FOXJ1: variants seen among roughly 807,000 people sequenced by gnomAD.
FOXJ1 encodes forkhead box J1, also known as forkhead box protein J1.
A neutral mutation model predicts 29.3 loss-of-function variants in FOXJ1; 8 were observed. The observed-to-expected ratio is 0.27, with a 90% confidence interval of 0.16 to 0.49. The LOEUF is 0.49. Ranked by LOEUF, FOXJ1 falls within the 20% of genes least tolerant of loss-of-function variation. FOXJ1 has a pLI of 0.98. For missense variants in FOXJ1, 539 were observed against 595.5 expected, an observed-to-expected ratio of 0.91 and a Z score of 0.99; for synonymous variants, 280 against 278.7, an observed-to-expected ratio of 1.00 and a Z score of -0.05.
rs1311938823 is a variant in FOXJ1, at chr17:76,137,857, G to A, written c.762C>T (p.Phe254=). ...NTEAQQLLRE[F]EEATGEAGWG... is the part of the protein sequence containing the mutation. ...AGCCCGCCTCCCCGGTGGCCTCCTC[G>A]AACTCCCGCAGCAGCTGCTGGGCCT... The change falls in exon 3 of 3, where the codon TTC becomes TTT. Residue 254 remains phenylalanine (F), a synonymous_variant. Coordinates refer to ENST00000322957, the MANE Select transcript of FOXJ1 (RefSeq NM_001454.4). This position sits in a 1 kb window ranked among gnomAD's most constrained non-coding sequence, Gnocchi z 9.5. The A allele has an allele frequency of 1.3e-6, 2 of 1,588,486 alleles. No homozygotes were observed. Among genetic ancestry groups the A allele is most frequent in the South Asian group, 1.1e-5 (1 of 88,568 alleles).
At position 76,137,981 on chromosome 17, in the gene FOXJ1, C is replaced by G. The variant is rs756356305; in HGVS notation, c.638G>C (p.Arg213Pro). Reference protein sequence around the residue: ...ERLLSGAFKKRRLPPVHIHPA... With the variant: ...ERLLSGAFKKPRLPPVHIHPA... ...GTGGATGTGGACAGGGGGCAGTCGC[C>G]GCTTCTTGAAAGCGCCGCTCAGTAG... Residue 213 changes from arginine (R) to proline (P), a missense_variant, in exon 3 of 3, where the codon CGG becomes CCG. Physicochemically the swap from Arg to Pro is moderately radical, Grantham distance 103 (BLOSUM62 -2). This residue lies in a region of FOXJ1 where 302 missense variants were observed against 293.6 expected (regional missense o/e 1.03). Coordinates refer to ENST00000322957, the MANE Select transcript of FOXJ1 (RefSeq NM_001454.4). This position sits in a 1 kb window ranked among gnomAD's most constrained non-coding sequence, Gnocchi z 9.5. The G allele has an allele frequency of 4.4e-6, 7 of 1,605,590 alleles. No homozygotes were observed. The highest frequency in any genetic ancestry group is 6.0e-6 in the Non-Finnish European group (7 of 1,176,386).
Position 76,139,815 on chromosome 17 carries a change from C to T in FOXJ1, c.498+83G>A, listed in dbSNP as rs917878739. The T allele has an allele frequency of 1.4e-6, 2 of 1,473,652 alleles. No homozygotes were observed. Among genetic ancestry groups the T allele is most frequent in the Non-Finnish European group, 1.8e-6 (2 of 1,086,670 alleles). The allele number at this position is 1,473,652 out of a possible 1,614,324, so 91.3% of individuals were successfully genotyped here. ...CGCACCGCAGAGCCTACTTGGCCTG[C>T]AGATTTGGGATATGAATCCAGTGCA... On this transcript the variant is annotated intron_variant, in intron 2 of 2. Coordinates refer to ENST00000322957, the MANE Select transcript of FOXJ1 (RefSeq NM_001454.4). This position sits in a 1 kb window ranked among gnomAD's most constrained non-coding sequence, Gnocchi z 6.6.
In FOXJ1 at chr17:76,137,905, G is replaced by T. The variant is rs750210394; in HGVS notation, c.714C>A (p.Ala238=). 6.4e-7 allele frequency: 1 copy of T among 1,565,364 alleles called. No individual in the cohort carries two copies. The change falls in exon 3 of 3, where the codon GCC becomes GCA. Residue 238 remains alanine, a synonymous_variant. Transcript: ENST00000322957. The surrounding 1 kb of genome is among the most constrained non-coding windows in gnomAD (Gnocchi z 9.5). ...CCTCGGTATTCACCGTCAGCGGCCC[G>T]GCCCGGGGGACAGCGCTGGGCTCCT... The part of the protein sequence containing the change: ...AAQEPSAVPR[A]GPLTVNTEAQ...
In FOXJ1 at chr17:76,138,239, G is replaced by A. The variant is rs555249216; in HGVS notation, c.499-119C>T. 10 of 1,117,060 alleles carry A rather than the reference G, an allele frequency of 9.0e-6. No homozygotes were observed. The Middle Eastern group carries it at 1.0e-3, about 116-fold the overall frequency. The allele number at this position is 1,117,060 out of a possible 1,614,324, so 69.2% of individuals were successfully genotyped here. ...TCTTTTCTCTGGCAGGGGAGAGGAG[G>A]GGGGGACAGACACACTGGTCTGCCC... On this transcript the variant is annotated intron_variant, in intron 2 of 2. Transcript: ENST00000322957.
In FOXJ1 at chr17:76,137,367, C is replaced by T; in HGVS notation, c.1252G>A (p.Gly418Arg). Residue 418 changes from glycine (G) to arginine (R), a missense_variant, in exon 3 of 3, where the codon GGG becomes AGG. By Grantham distance (125) the Gly-to-Arg change is moderately radical. Around this residue, in one of 3 missense-constraint regions of FOXJ1, gnomAD observed 302 missense variants for 293.6 expected, o/e 1.03. Coordinates refer to ENST00000322957, the MANE Select transcript of FOXJ1 (RefSeq NM_001454.4). The surrounding 1 kb of genome is among the most constrained non-coding windows in gnomAD (Gnocchi z 9.5). Reference protein sequence around the residue: ...ASDLQDWASVGAFL With the variant: ...ASDLQDWASVRAFL ...GGCCTGGCCTCTTACAAGAAGGCCC[C>T]CACGCTGGCCCAGTCCTGCAGGTCG... 3 of 1,496,710 alleles carry T rather than the reference C, an allele frequency of 2.0e-6. No homozygotes were observed. Among genetic ancestry groups the T allele is most frequent in the Non-Finnish European group, 2.7e-6 (3 of 1,125,562 alleles). The allele number at this position is 1,496,710 out of a possible 1,614,324, so 92.7% of individuals were successfully genotyped here.
rs991161835 is a variant in FOXJ1, at chr17:76,136,499, T to TG, written c.*853dup. ...CCCCCGAGGAGTGCAGGCAGGGGCG[T>TG]GGGGTACCCCGCTTCTTGGTCCCAG... On this transcript the variant is annotated 3_prime_UTR_variant, in exon 3 of 3. Transcript: ENST00000322957. The surrounding 1 kb of genome is among the most constrained non-coding windows in gnomAD (Gnocchi z 4.9). The TG allele has an allele frequency of 2.2e-4, 33 of 151,984 alleles. No individual in the cohort carries two copies. The allele number at this position is 151,984 out of a possible 1,614,324, so 9.4% of individuals were successfully genotyped here. A position where few individuals can be genotyped will look rare whatever the true frequency, so the allele number is the denominator to read the frequency against.
Position 76,140,228 on chromosome 17 carries a change from G to GC in FOXJ1, c.167dup (p.Thr57HisfsTer142). 1.4e-6 allele frequency: 2 copies of GC among 1,454,278 alleles called. No homozygotes were observed. Among genetic ancestry groups the GC allele is most frequent in the Non-Finnish European group, 1.8e-6 (2 of 1,114,340 alleles). The allele number at this position is 1,454,278 out of a possible 1,614,324, so 90.1% of individuals were successfully genotyped here. ...CCTGGTGGTAGCCGTGGGGGTCGGTGCCCCCCGGGGGCAGGGCGGGGGCCT... is the reference window on the plus strand; with the variant it reads ...CCTGGTGGTAGCCGTGGGGGTCGGTGCCCCCCCGGGGGCAGGGCGGGGGCCT... On this transcript the variant is annotated frameshift_variant, in exon 2 of 3. Transcript: ENST00000322957. LOFTEE classifies it high-confidence loss of function. This position sits in a 1 kb window ranked among gnomAD's most constrained non-coding sequence, Gnocchi z 8.0.
In FOXJ1 at chr17:76,138,139, C is replaced by A; in HGVS notation, c.499-19G>T. ...TTGAATTCTGGGTGCAGGGAGAGAGCAAGAGAGAGAGGAACCGCTAGGTCA... is the reference window on the plus strand; with the variant it reads ...TTGAATTCTGGGTGCAGGGAGAGAGAAAGAGAGAGAGGAACCGCTAGGTCA... On this transcript the variant is annotated intron_variant, in intron 2 of 2. Transcript: ENST00000322957. The A allele has an allele frequency of 6.2e-7, 1 of 1,612,500 alleles. No homozygotes were observed. The highest frequency in any genetic ancestry group is 8.5e-7 in the Non-Finnish European group (1 of 1,179,574).
Position 76,139,955 on chromosome 17 carries a change from G to A in FOXJ1, c.441C>T (p.Ile147=). 2 of 1,613,058 alleles carry A rather than the reference G, an allele frequency of 1.2e-6. No homozygotes were observed. Among genetic ancestry groups the A allele is most frequent in the Non-Finnish European group, 1.7e-6 (2 of 1,179,604 alleles). The change falls in exon 2 of 3, where the codon ATC becomes ATT. Residue 147 remains isoleucine (I), a synonymous_variant. Transcript: ENST00000322957. The surrounding 1 kb of genome is among the most constrained non-coding windows in gnomAD (Gnocchi z 6.6). ...SKATKITLSA[I]YKWITDNFCY... Reference sequence around the variant, plus strand: ...AGAAGTTGTCCGTGATCCACTTGTAGATGGCCGACAGGGTGATCTTGGTGG... The same window carrying A: ...AGAAGTTGTCCGTGATCCACTTGTAAATGGCCGACAGGGTGATCTTGGTGG...
At position 76,137,789 on chromosome 17, in the gene FOXJ1, G is replaced by A. The variant is rs1351956108; in HGVS notation, c.830C>T (p.Pro277Leu). 2.6e-5 allele frequency: 41 copies of A among 1,607,536 alleles called. No homozygotes were observed. The highest frequency in any genetic ancestry group is 3.2e-5 in the Non-Finnish European group (38 of 1,177,568). The change falls in exon 3 of 3, where the codon CCG becomes CTG. Residue 277 changes from proline (P) to leucine (L), a missense_variant. Physicochemically the swap from Pro to Leu is moderately conservative, Grantham distance 98. Transcript: ENST00000322957. The surrounding 1 kb of genome is among the most constrained non-coding windows in gnomAD (Gnocchi z 9.5). The stretch of plus-strand genomic sequence containing the variant: ...GACCTTGGCCACCCGCTTGGGCAGC[G>A]GCTGTTTGCGCTTATGCCCCAGCCT... ...EGRLGHKRKQPLPKRVAKVPR... is the reference protein window; with the variant it reads ...EGRLGHKRKQLLPKRVAKVPR...
At chr17:76,138,482 C>A (rs1354315564) in intron 2 of FOXJ1, among the ~76,000 whole-genome samples, 2 of 152,178 alleles carry the variant, frequency 1.3e-5, no homozygotes, top group African/African-American at 4.8e-5. Flanking sequence ...AGGGCCTGGA[C>A]CACCGTCTCC....
In FOXJ1 at chr17:76,140,121, G is replaced by A; in HGVS notation, c.275C>T (p.Thr92Met). Residue 92 changes from threonine to methionine, a missense_variant, in exon 2 of 3, where the codon ACG (threonine) becomes ATG (methionine). Coordinates refer to ENST00000322957, the MANE Select transcript of FOXJ1 (RefSeq NM_001454.4). This position sits in a 1 kb window ranked among gnomAD's most constrained non-coding sequence, Gnocchi z 8.0. ...LGQPHTPGKP[T>M]SSCTSRSAPP... is the part of the protein sequence containing the mutation. ...CGCGCTCCGCGACGTGCACGACGACGTGGGCTTGCCCGGCGTGTGTGGCTG... is the reference window on the plus strand; with the variant it reads ...CGCGCTCCGCGACGTGCACGACGACATGGGCTTGCCCGGCGTGTGTGGCTG... 1.9e-6 allele frequency: 3 copies of A among 1,591,054 alleles called. No individual in the cohort carries two copies. Among genetic ancestry groups the A allele is most frequent in the Non-Finnish European group, 2.6e-6 (3 of 1,175,036 alleles).
Position 76,140,295 on chromosome 17 carries a change from G to T in FOXJ1, c.101C>A (p.Thr34Asn). 6.7e-7 allele frequency: 1 copy of T among 1,490,422 alleles called. No homozygotes were observed. The highest frequency in any genetic ancestry group is 8.8e-7 in the Non-Finnish European group (1 of 1,131,148). 92.3% of individuals were successfully genotyped at this position (1,490,422 alleles called of 1,614,324 possible). A position where few individuals can be genotyped will look rare whatever the true frequency, so the allele number is the denominator to read the frequency against. The part of the protein sequence containing the change: ...EEPDALDDSL[T>N]SLQWLQEFSI... ...GAATTCCTGCAGCCACTGCAGGCTG[G>T]TCAGGCTGTCATCCAGGGCGTCGGG... Residue 34 changes from threonine (T) to asparagine (N), a missense_variant, in exon 2 of 3, where the codon ACC (threonine) becomes AAC (asparagine). This residue lies in a region of FOXJ1 where 59 missense variants were observed against 47.5 expected (regional missense o/e 1.24). Coordinates refer to ENST00000322957, the MANE Select transcript of FOXJ1 (RefSeq NM_001454.4). The surrounding 1 kb of genome is among the most constrained non-coding windows in gnomAD (Gnocchi z 8.0).
chr17:76,140,460 G>C lies in FOXJ1; in HGVS notation c.-65C>G, dbSNP rs1442242428. The C allele has an allele frequency of 7.5e-7, 1 of 1,333,240 alleles. No homozygotes were observed. The highest frequency in any genetic ancestry group is 9.6e-7 in the Non-Finnish European group (1 of 1,037,210). 82.6% of individuals were successfully genotyped at this position (1,333,240 alleles called of 1,614,324 possible). ...GGCTGAGCCGGGGGTGGCCCGCCGC[G>C]CTCTCTGGCCCGCTGAGTCCCGCAG... On this transcript the variant is annotated 5_prime_UTR_variant, in exon 2 of 3. Transcript: ENST00000322957. The surrounding 1 kb of genome is among the most constrained non-coding windows in gnomAD (Gnocchi z 8.0).
rs1162928892 is a variant in FOXJ1, at chr17:76,140,962, C to T, written c.-170+152G>A. On this transcript the variant is annotated intron_variant, in intron 1 of 2. Coordinates refer to ENST00000322957, the MANE Select transcript of FOXJ1 (RefSeq NM_001454.4). This position sits in a 1 kb window ranked among gnomAD's most constrained non-coding sequence, Gnocchi z 8.0. ...AGGGGATCATTGGGAAGGAAGGGGACGGAACAGTAACGGGGGGCAGGAGGC... is the reference window on the plus strand; with the variant it reads ...AGGGGATCATTGGGAAGGAAGGGGATGGAACAGTAACGGGGGGCAGGAGGC... Among the ~76,000 whole-genome samples the T allele has an allele frequency of 6.6e-6, 1 of 151,986 alleles. No homozygotes were observed. The highest frequency in any genetic ancestry group is 2.4e-5 in the African/African-American group (1 of 41,364).
Position 76,137,868 on chromosome 17 carries a change from G to C in FOXJ1, c.751C>G (p.Leu251Val). ...CCGGTGGCCTCCTCGAACTCCCGCA[G>C]CAGCTGCTGGGCCTCGGTATTCACC... ...LTVNTEAQQL[L>V]REFEEATGEA... is the part of the protein sequence containing the mutation. The change falls in exon 3 of 3, where the codon CTG becomes GTG. Residue 251 changes from leucine (L) to valine (V), a missense_variant. Around this residue, in one of 3 missense-constraint regions of FOXJ1, gnomAD observed 302 missense variants for 293.6 expected, o/e 1.03. Transcript: ENST00000322957. The surrounding 1 kb of genome is among the most constrained non-coding windows in gnomAD (Gnocchi z 9.5). The C allele has an allele frequency of 1.3e-6, 2 of 1,584,888 alleles. No homozygotes were observed. Among genetic ancestry groups the C allele is most frequent in the Non-Finnish European group, 1.7e-6 (2 of 1,165,444 alleles).
In FOXJ1 at chr17:76,139,513, G is replaced by T. The variant is rs2144764443; in HGVS notation, c.498+385C>A. Among the ~76,000 whole-genome samples the T allele has an allele frequency of 6.6e-6, 1 of 152,352 alleles. No individual in the cohort carries two copies. On this transcript the variant is annotated intron_variant, in intron 2 of 2. Coordinates refer to ENST00000322957, the MANE Select transcript of FOXJ1 (RefSeq NM_001454.4). The surrounding 1 kb of genome is among the most constrained non-coding windows in gnomAD (Gnocchi z 6.6). ...CCCCGACAAACCATCCCGGGGCAGG[G>T]CAGTGTCTAGGAATTCTAGGACTTG... is the stretch of plus-strand genomic sequence containing the variant.
In FOXJ1 at chr17:76,138,087, A is replaced by T. The variant is rs765337083; in HGVS notation, c.532T>A (p.Cys178Ser). The stretch of plus-strand genomic sequence containing the variant: ...TTCTCCCGAGGCACTTTGATGAAGC[A>T]CTTGTTCAGAGACAGGTTGTGGCGG... ...SIRHNLSLNK[C>S]FIKVPREKDE... Residue 178 changes from cysteine (C) to serine (S), a missense_variant, in exon 3 of 3, where the codon TGC (cysteine) becomes AGC (serine). Transcript: ENST00000322957. The T allele has an allele frequency of 1.1e-5, 18 of 1,613,900 alleles. No individual in the cohort carries two copies. Among genetic ancestry groups the T allele is most frequent in the Non-Finnish European group, 1.4e-5 (16 of 1,180,022 alleles).
In FOXJ1 at chr17:76,140,229, C is replaced by G. The variant is rs777011051; in HGVS notation, c.167G>C (p.Gly56Ala). The change falls in exon 2 of 3, where the codon GGC becomes GCC. Residue 56 changes from glycine to alanine, a missense_variant. This residue lies in a region of FOXJ1 where 178 missense variants were observed against 254.4 expected (regional missense o/e 0.70). Transcript: ENST00000322957. This position sits in a 1 kb window ranked among gnomAD's most constrained non-coding sequence, Gnocchi z 8.0. ...NAKAPALPPG[G>A]TDPHGYHQVP... is the part of the protein sequence containing the mutation. ...CTGGTGGTAGCCGTGGGGGTCGGTG[C>G]CCCCCGGGGGCAGGGCGGGGGCCTT... is the stretch of plus-strand genomic sequence containing the variant. The G allele has an allele frequency of 6.9e-7, 1 of 1,450,616 alleles. No homozygotes were observed. The highest frequency in any genetic ancestry group is 3.2e-5 in the Admixed American group (1 of 31,308). 89.9% of individuals were successfully genotyped at this position (1,450,616 alleles called of 1,614,324 possible).
Sources: gnomAD v4.1 joint callset for allele counts (sites outside exome capture counted in the v4.1 genomes callset) on GRCh38, gnomAD v4.1.1 for gene constraint, gnomAD v4.1.1 regional missense constraint, Gnocchi (gnomAD v3.1) non-coding constraint, MANE v1.5 for transcripts, NCBI Gene and HGNC (gene_info 2026-07-23, HGNC 2026-07-21) for gene names.